The following LEKR1 variants were observed in gnomAD, a reference collection of about 807,000 sequenced individuals.
LEKR1 encodes the protein leucine, glutamate and lysine rich 1, also known as protein LEKR1.
A neutral mutation model predicts 72.4 loss-of-function variants in LEKR1; 59 were observed. That is an observed-to-expected ratio of 0.82 (90% CI 0.66 to 1.01). The LOEUF is 1.01. Ranked by LOEUF, LEKR1 falls within the 50% of genes least tolerant of loss-of-function variation. The probability of loss-of-function intolerance (pLI) is 0.00; values close to 1 mark genes in which losing one functional copy is unlikely to be tolerated. For missense variants in LEKR1, 728 were observed against 759.2 expected, an observed-to-expected ratio of 0.96 and a Z score of 0.48; for synonymous variants, 257 against 263.2, an observed-to-expected ratio of 0.98 and a Z score of 0.23.
intron 3 of LEKR1, among the ~76,000 whole-genome samples, chr3:156,876,881 A>G (rs750740334): frequency 3.3e-5 from 5 of 152,164 alleles, no homozygotes; most frequent in Non-Finnish European, 5.9e-5. Flanking sequence ...GATGAAAGTA[A>G]TCATCCTTGC....
intron 12 of LEKR1, among the ~76,000 whole-genome samples, chr3:157,038,944 T>C (rs1402244041): frequency 2.0e-5 from 3 of 152,212 alleles, no homozygotes; most frequent in Non-Finnish European, 4.4e-5. Flanking sequence ...CTACAGCATT[T>C]TTTTCTTTTC....
At position 157,041,611 on chromosome 3, in the gene LEKR1, C is replaced by G. The variant is rs115009966; in HGVS notation, c.1669-3729C>G. On this transcript the variant is annotated intron_variant, in intron 12 of 12. Coordinates refer to ENST00000356539, the MANE Select transcript of LEKR1 (RefSeq NM_001004316.3). ...GGTGTGCCTCTCCTTCTCTCACTGC[C>G]CACTCTGCCTTGAAAACCTCATTGC... is the stretch of plus-strand genomic sequence containing the variant. 4.2e-3 allele frequency among the ~76,000 whole-genome samples: 644 copies of G among 152,192 alleles called. 2 individuals carry two copies. Among genetic ancestry groups the G allele is most frequent in the African/African-American group, 0.015 (620 of 41,516 alleles).
intron 3 of LEKR1, chr3:156,888,498 A>G (rs1576748729): frequency 3.1e-6 from 2 of 645,462 alleles, no homozygotes; most frequent in East Asian, 5.5e-5. Context: ...ATACTAAGCC[A>G]GAAGATTTTG....
intron 9 of LEKR1, among the ~76,000 whole-genome samples, chr3:157,000,338 C>G (rs988202823): frequency 6.6e-6 from 1 of 151,828 alleles, no homozygotes; most frequent in Non-Finnish European, 1.5e-5. Context: ...ATTCTAGAAG[C>G]AATGACTAGT....
At chr3:157,028,522 A>G in intron 12 of LEKR1, 120 bp downstream of exon 12, 1 of 803,158 alleles carries the variant, frequency 1.2e-6, no homozygotes, top group Non-Finnish European at 2.0e-6. Context: ...TGTTAGTCTG[A>G]CCTAAATCAC....
At chr3:156,974,223 A>G (rs765928763) in intron 6 of LEKR1, among the ~76,000 whole-genome samples, 11 of 152,172 alleles carry the variant, frequency 7.2e-5, no homozygotes, top group Non-Finnish European at 1.2e-4. Flanking sequence ...ACATGTAGCT[A>G]CATGGATAGG....
At chr3:156,875,992 C>CAAAAAAAAAA (rs55816001) in intron 3 of LEKR1, among the ~76,000 whole-genome samples, 2 of 70,178 alleles carry the variant, frequency 2.8e-5, no homozygotes, top group Non-Finnish European at 5.3e-5. Context: ...GACTCCATCT[C>CAAAAAAAAAA]AAAAAAAAAA....
chr3:157,024,999 T>G, intron 11 of LEKR1, 75 bp downstream of exon 11: 1 of 958,744 alleles, frequency 1.0e-6, no homozygotes, highest in Non-Finnish European at 1.6e-6. Flanking sequence ...CTTAGAACAC[T>G]ACAGTATTTA....
At chr3:157,034,716 G>A (rs1393890972) in intron 12 of LEKR1, among the ~76,000 whole-genome samples, 1 of 152,206 alleles carries the variant, frequency 6.6e-6, no homozygotes, top group Non-Finnish European at 1.5e-5. Context: ...TCTACTGCGG[G>A]TAAAATGCTG....
intron 3 of LEKR1, among the ~76,000 whole-genome samples, chr3:156,907,427 G>T (rs541998321): frequency 6.6e-6 from 1 of 151,758 alleles, no homozygotes; most frequent in South Asian, 2.1e-4. Flanking sequence ...TTTATTTTTT[G>T]TATACTATTC....
At chr3:156,908,194 G>T (rs182205507) in intron 3 of LEKR1, among the ~76,000 whole-genome samples, 4 of 152,172 alleles carry the variant, frequency 2.6e-5, no homozygotes, top group Non-Finnish European at 1.5e-5. Flanking sequence ...TTCCTTCACT[G>T]TATAGTTATT....
chr3:156,869,788 A>G (rs903176272), intron 3 of LEKR1, among the ~76,000 whole-genome samples: 1 of 151,924 alleles, frequency 6.6e-6, no homozygotes, highest in Non-Finnish European at 1.5e-5. Flanking sequence ...GCCTAGATCA[A>G]TGTCCTGAAT....
intron 10 of LEKR1, among the ~76,000 whole-genome samples, chr3:157,021,106 A>G (rs1274794895): frequency 2.4e-4 from 36 of 151,848 alleles, no homozygotes; most frequent in African/African-American, 8.2e-4. Flanking sequence ...CATATCCTTC[A>G]CCCACTTTTT....
rs868142061 is a variant in LEKR1 at position 157,006,196 on chromosome 3, G to A, written c.1110-5217G>A. ...AATTTTTTGTATTTTTAGTAGAGAC[G>A]GGGTTTCACCTTGTTAGCCAGGATG... On this transcript the variant is annotated intron_variant, in intron 9 of 12. Coordinates refer to ENST00000356539, the MANE Select transcript of LEKR1 (RefSeq NM_001004316.3). 2.0e-3 allele frequency among the ~76,000 whole-genome samples: 307 copies of A among 149,816 alleles called. 4 individuals are homozygous for A. Among genetic ancestry groups the A allele is most frequent in the African/African-American group, 7.1e-3 (286 of 40,470 alleles).
chr3:156,884,562 T>C lies in LEKR1; in HGVS notation c.263+31580T>C, dbSNP rs181538001. On this transcript the variant is annotated intron_variant, in intron 3 of 12. Transcript: ENST00000356539. ...AAGCCTTGTTTTCCTGACACAAAGT[T>C]CTTGGCTGACAATTATTTGGCTTCA... Among the ~76,000 whole-genome samples, 5 of 152,336 alleles carry C rather than the reference T, an allele frequency of 3.3e-5. No homozygotes were observed. In the East Asian group the frequency reaches 9.6e-4, roughly 29 times the overall value.
intron 2 of LEKR1, among the ~76,000 whole-genome samples, chr3:156,829,640 A>G (rs1157561632): frequency 1.3e-5 from 2 of 152,218 alleles, no homozygotes; most frequent in African/African-American, 2.4e-5. Context: ...AGTGAAAAGC[A>G]GGCATCAGAA....
chr3:156,889,884 A>G (rs1435670210), intron 3 of LEKR1, among the ~76,000 whole-genome samples: 2 of 152,220 alleles, frequency 1.3e-5, no homozygotes, highest in Non-Finnish European at 2.9e-5. Context: ...AAATCAGAGC[A>G]AAGGATAGTC....
intron 3 of LEKR1, among the ~76,000 whole-genome samples, chr3:156,876,244 T>C (rs1029729846): frequency 6.6e-6 from 1 of 152,208 alleles, no homozygotes; most frequent in African/African-American, 2.4e-5. Flanking sequence ...CCTTGTAGTA[T>C]AGTTTGAAGT....
chr3:156,869,316 A>G (rs924264063), intron 3 of LEKR1, among the ~76,000 whole-genome samples: 1 of 152,068 alleles, frequency 6.6e-6, no homozygotes, highest in Admixed American at 6.6e-5. Context: ...ATTCCTATCA[A>G]CAATGTATAA....
Sources: gnomAD v4.1 joint callset for allele counts (sites outside exome capture counted in the v4.1 genomes callset) on GRCh38, gnomAD v4.1.1 for gene constraint, MANE v1.5 for transcripts, NCBI Gene and HGNC (gene_info 2026-07-23, HGNC 2026-07-21) for gene names.